The following KBTBD2 variants were observed in gnomAD, a reference collection of about 807,000 sequenced individuals.
KBTBD2 encodes kelch repeat and BTB domain containing 2.
KBTBD2 carries 17 observed loss-of-function variants against 57.1 expected under a neutral mutation model. The ratio of observed to expected loss-of-function variants is 0.30; its 90% CI spans 0.20 to 0.45. The LOEUF is 0.45. KBTBD2 is among the 20% of genes least tolerant of loss of function. The pLI is 1.00. For missense variants in KBTBD2, 515 were observed against 750.6 expected, an observed-to-expected ratio of 0.69 and a Z score of 3.67; for synonymous variants, 267 against 262.7, an observed-to-expected ratio of 1.02 and a Z score of -0.16.
At chr7:32,874,941 A>T in intron 3 of KBTBD2, 51 bp downstream of exon 3, 1 of 1,541,450 alleles carries the variant, frequency 6.5e-7, no homozygotes, top group Non-Finnish European at 8.9e-7. Flanking sequence ...ACTGCACTCC[A>T]GCCTGGGCAA....
At chr7:32,873,715 C>T (rs1784238178) in intron 3 of KBTBD2, among the ~76,000 whole-genome samples, 1 of 152,024 alleles carries the variant, frequency 6.6e-6, no homozygotes, top group African/African-American at 2.4e-5. Flanking sequence ...GCCTGGGCAA[C>T]AAGAGTGAAA....
intron 1 of KBTBD2, among the ~76,000 whole-genome samples, chr7:32,887,092 T>C (rs1205021116): frequency 3.3e-5 from 5 of 152,148 alleles, no homozygotes; most frequent in African/African-American, 9.7e-5. Flanking sequence ...AAAGCAAGCT[T>C]TTCCAATGTT....
At chr7:32,886,343 G>A (rs987088729) in intron 1 of KBTBD2, among the ~76,000 whole-genome samples, 1 of 152,162 alleles carries the variant, frequency 6.6e-6, no homozygotes, top group Admixed American at 6.5e-5. Context: ...TCTCTAGGAT[G>A]CCCAAGTCTC....
chr7:32,887,311 G>C (rs1022616228), intron 1 of KBTBD2, among the ~76,000 whole-genome samples: 1 of 152,152 alleles, frequency 6.6e-6, no homozygotes, highest in Non-Finnish European at 1.5e-5. Context: ...AAGTGTTACT[G>C]ATCTGTTACA....
chr7:32,885,232 G>A (rs2127956225), intron 1 of KBTBD2, among the ~76,000 whole-genome samples: 1 of 151,712 alleles, frequency 6.6e-6, no homozygotes, highest in African/African-American at 2.4e-5. Flanking sequence ...ACCTCAAGTT[G>A]TTTCTGCAAG....
intron 2 of KBTBD2, among the ~76,000 whole-genome samples, chr7:32,878,120 A>AG (rs1326522579): frequency 4.0e-4 from 61 of 151,950 alleles, no homozygotes; most frequent in South Asian, 1.5e-3. Context: ...TAAAAAAAAA[A>AG]AAAAAAAATT....
In KBTBD2 at chr7:32,869,099, A is replaced by C. The variant is rs1784099618; in HGVS notation, c.*246T>G. ...AATGTTAGATAATCCAGATTCTTAT[A>C]CTCTCATGATTACACATAAAGTTTC... On this transcript the variant is annotated 3_prime_UTR_variant, in exon 4 of 4. Transcript: ENST00000304056. 2.5e-6 allele frequency: 1 copy of C among 396,102 alleles called. No individual in the cohort carries two copies. The highest frequency in any genetic ancestry group is 4.0e-5 in the South Asian group (1 of 25,286). 24.5% of individuals were successfully genotyped at this position (396,102 alleles called of 1,614,324 possible).
At position 32,879,648 on chromosome 7, in the gene KBTBD2, C is replaced by CATCA; in HGVS notation, c.-45_-44insTGAT. 1 of 1,532,910 alleles carries CATCA rather than the reference C, an allele frequency of 6.5e-7. No individual in the cohort carries two copies. Among genetic ancestry groups the CATCA allele is most frequent in the Non-Finnish European group, 9.0e-7 (1 of 1,117,196 alleles). 95.0% of individuals were successfully genotyped at this position (1,532,910 alleles called of 1,614,324 possible). On this transcript the variant is annotated 5_prime_UTR_variant, in exon 2 of 4. In the 5' UTR this introduces an upstream ATG that the reference lacks. Transcript: ENST00000304056. The stretch of plus-strand genomic sequence containing the variant: ...TCTCCAGGAACAGATTAGAAAAGTC[C>CATCA]GTCTTACTGATGGAAGGTCAAGTGA...
rs780034848 is a variant in KBTBD2, at chr7:32,869,901, A to G, written c.1316T>C (p.Met439Thr). ...GTCAGACCTTGGAAAATAACAGTAC[A>G]TGAGGTTCAGTGTCATCACATAAAT... ...DCIYVMTLNL[M>T]YCYFPRSDSW... The change falls in exon 4 of 4, where the codon ATG becomes ACG. Residue 439 changes from methionine (M) to threonine (T), a missense_variant. Met to Thr is a moderately conservative substitution (Grantham distance 81). Transcript: ENST00000304056. 6.2e-6 allele frequency: 10 copies of G among 1,613,804 alleles called. No homozygotes were observed. In the African/African-American group the frequency reaches 1.1e-4, roughly 17 times the overall value.
chr7:32,883,463 C>T (rs1352415339), intron 1 of KBTBD2, among the ~76,000 whole-genome samples: 3 of 152,144 alleles, frequency 2.0e-5, no homozygotes, highest in African/African-American at 2.4e-5. Context: ...GCCCACAACA[C>T]AAACATTTTC....
rs752710005 is a variant in KBTBD2 at position 32,875,055 on chromosome 7, C to A, written c.273G>T (p.Thr91=). 1 of 1,614,046 alleles carries A rather than the reference C, an allele frequency of 6.2e-7. No individual in the cohort carries two copies. Among genetic ancestry groups the A allele is most frequent in the Non-Finnish European group, 8.5e-7 (1 of 1,179,960 alleles). The change falls in exon 3 of 4, where the codon ACG becomes ACT. Residue 91 remains threonine, a synonymous_variant. Coordinates refer to ENST00000304056, the MANE Select transcript of KBTBD2 (RefSeq NM_015483.3). ...TGCTGTCATTCATTGCCAAGTTACC[C>A]GTGTATGCATAAGTTATTATTATCT... ...TLQIIITYAY[T]GNLAMNDSTV...
At chr7:32,889,804 G>T (rs959210292) in intron 1 of KBTBD2, among the ~76,000 whole-genome samples, 1 of 152,134 alleles carries the variant, frequency 6.6e-6, no homozygotes, top group Non-Finnish European at 1.5e-5. Context: ...GGGGAAGGGG[G>T]ACTCTTTTCT....
chr7:32,880,624 T>C (rs1784423334), intron 1 of KBTBD2, among the ~76,000 whole-genome samples: 4 of 151,972 alleles, frequency 2.6e-5, no homozygotes, highest in Admixed American at 2.6e-4. Flanking sequence ...AATATGAATG[T>C]TCTCCGAATT....
In KBTBD2 at chr7:32,869,931, T is replaced by C; in HGVS notation, c.1286A>G (p.Asp429Gly). The C allele has an allele frequency of 6.2e-7, 1 of 1,614,004 alleles. No individual in the cohort carries two copies. Among genetic ancestry groups the C allele is most frequent in the Non-Finnish European group, 8.5e-7 (1 of 1,180,004 alleles). ...GTTCAGTGTCATCACATAAATGCAG[T>C]CATGAACCACAACTGCTGCACTCCA... ...WQWSAAVVVH[D>G]CIYVMTLNLM... The change falls in exon 4 of 4, where the codon GAC becomes GGC. Residue 429 changes from aspartate (D) to glycine (G), a missense_variant. Physicochemically the swap from Asp to Gly is moderately conservative, Grantham distance 94. Transcript: ENST00000304056.
At chr7:32,876,074 C>A (rs1784305222) in intron 2 of KBTBD2, among the ~76,000 whole-genome samples, 1 of 152,094 alleles carries the variant, frequency 6.6e-6, no homozygotes, top group Non-Finnish European at 1.5e-5. Context: ...TCAAACAATT[C>A]TCTAAAAATA....
chr7:32,869,574 T>G lies in KBTBD2; in HGVS notation c.1643A>C (p.Lys548Thr). The stretch of plus-strand genomic sequence containing the variant: ...CAGGTCATATTGGTAGGTGACGTAT[T>G]TAGCTCGCTCATTTAAGTGGGTTTC... ...MRETHLNERA[K>T]YVTYQYDLEL... Residue 548 changes from lysine (K) to threonine (T), a missense_variant, in exon 4 of 4, where the codon AAA becomes ACA. By Grantham distance (78) the Lys-to-Thr change is moderately conservative. Transcript: ENST00000304056. The G allele has an allele frequency of 6.2e-7, 1 of 1,614,122 alleles. No individual in the cohort carries two copies. Among genetic ancestry groups the G allele is most frequent in the Non-Finnish European group, 8.5e-7 (1 of 1,180,012 alleles).
At chr7:32,891,231 A>AGGCGCCCGGTGCCGG (rs1255448421) in intron 1 of KBTBD2, 2 of 149,882 alleles carry the variant, frequency 1.3e-5, no homozygotes, top group Non-Finnish European at 3.0e-5. Context: ...GCGGGCGCCG[A>AGGCGCCCGGTGCCGG]GGCGCCCGGT....
At position 32,879,355 on chromosome 7, in the gene KBTBD2, A is replaced by C. The variant is rs189218163; in HGVS notation, c.170+80T>G. On this transcript the variant is annotated intron_variant, in intron 2 of 3. Transcript: ENST00000304056. ...ATAGAAACCTTAAGCAAAACTTAAA[A>C]ACAAAAATTGAGATGTGGCTTTTTA... 680 of 1,111,320 alleles carry C rather than the reference A, an allele frequency of 6.1e-4. 4 individuals carry two copies. In the African/African-American group the frequency reaches 7.9e-3, roughly 13 times the overall value. 68.8% of individuals were successfully genotyped at this position (1,111,320 alleles called of 1,614,324 possible).
intron 3 of KBTBD2, among the ~76,000 whole-genome samples, chr7:32,871,578 G>T (rs1459721045): frequency 6.6e-6 from 1 of 152,132 alleles, no homozygotes; most frequent in African/African-American, 2.4e-5. Flanking sequence ...AAGTCAGGTT[G>T]CTTGGATTTA....
Sources: gnomAD v4.1 joint callset for allele counts (sites outside exome capture counted in the v4.1 genomes callset) on GRCh38, gnomAD v4.1.1 for gene constraint, MANE v1.5 for transcripts, NCBI Gene and HGNC (gene_info 2026-07-23, HGNC 2026-07-21) for gene names.